NUFIP1: variants seen among roughly 807,000 people sequenced by gnomAD.
NUFIP1 encodes nuclear FMR1 interacting protein 1.
NUFIP1 carries 38 observed loss-of-function variants against 56.2 expected under a neutral mutation model. That is an observed-to-expected ratio of 0.68 (90% CI 0.52 to 0.89). The LOEUF (loss-of-function observed/expected upper bound fraction) is 0.89. NUFIP1 is among the 40% of genes least tolerant of loss of function. The probability of loss-of-function intolerance (pLI) is 0.00; values close to 1 mark genes in which losing one functional copy is unlikely to be tolerated. For synonymous variants in NUFIP1, 215 were observed against 212.4 expected (o/e 1.01, Z -0.10); for missense variants, 567 against 605.8 (o/e 0.94, Z 0.67).
intron 8 of NUFIP1, among the ~76,000 whole-genome samples, chr13:44,946,307 T>C (rs766741338): frequency 1.3e-5 from 2 of 152,158 alleles, no homozygotes; most frequent in Non-Finnish European, 2.9e-5. Flanking sequence ...ATTTTAAATA[T>C]AGCTCATTCA....
chr13:44,957,882 T>C (rs1287678509), intron 7 of NUFIP1, among the ~76,000 whole-genome samples: 1 of 152,176 alleles, frequency 6.6e-6, no homozygotes, highest in East Asian at 1.9e-4. Context: ...ATAATGGTAG[T>C]CTTCACATTT....
chr13:44,987,181 A>G (rs934894440), intron 1 of NUFIP1, among the ~76,000 whole-genome samples: 1 of 152,054 alleles, frequency 6.6e-6, no homozygotes, highest in Non-Finnish European at 1.5e-5. Context: ...AGTTCGAGAT[A>G]AGCCTGGCCA....
intron 5 of NUFIP1, among the ~76,000 whole-genome samples, chr13:44,970,629 AT>A (rs1293573328): frequency 2.0e-5 from 3 of 152,182 alleles, no homozygotes; most frequent in African/African-American, 7.2e-5. Flanking sequence ...AAAATTGAGA[AT>A]GACAGGAATG....
At chr13:44,979,287 G>A (rs773546264) in intron 4 of NUFIP1, 21 bp from the exon 5 acceptor site, 3 of 1,598,358 alleles carry the variant, frequency 1.9e-6, no homozygotes, top group Non-Finnish European at 2.6e-6. Context: ...AAAGCCTGCT[G>A]AACATCAGGA....
At chr13:44,979,695 A>T (rs1387620450) in intron 4 of NUFIP1, among the ~76,000 whole-genome samples, 195 bp downstream of exon 4, 1 of 152,222 alleles carries the variant, frequency 6.6e-6, no homozygotes, top group African/African-American at 2.4e-5. Context: ...TTCATTTTTT[A>T]AAATATTTTA....
Position 44,943,518 on chromosome 13 carries a change from G to C in NUFIP1, c.1295C>G (p.Pro432Arg). Reference sequence around the variant, plus strand: ...GTTGTGATAATCTTTTTTCCTCTTAGGGTTTGTTTTTTCAAAGCTTTTCTT... The same window carrying C: ...GTTGTGATAATCTTTTTTCCTCTTACGGTTTGTTTTTTCAAAGCTTTTCTT... The part of the protein sequence containing the change: ...NRKKSFEKTN[P>R]KRKKDYHNYQ... Residue 432 changes from proline to arginine, a missense_variant, in exon 9 of 10, where the codon CCT (proline) becomes CGT (arginine). Physicochemically the swap from Pro to Arg is moderately radical, Grantham distance 103. Coordinates refer to ENST00000379161, the MANE Select transcript of NUFIP1 (RefSeq NM_012345.3). 1 of 1,614,074 alleles carries C rather than the reference G, an allele frequency of 6.2e-7. No individual in the cohort carries two copies. Among genetic ancestry groups the C allele is most frequent in the Non-Finnish European group, 8.5e-7 (1 of 1,180,014 alleles).
intron 5 of NUFIP1, among the ~76,000 whole-genome samples, chr13:44,977,084 A>G (rs544183206): frequency 7.9e-5 from 12 of 151,674 alleles, no homozygotes; most frequent in African/African-American, 2.7e-4. Flanking sequence ...CACTCCTTCA[A>G]CTTCTAAGTT....
Position 44,959,480 on chromosome 13 carries a change from C to G in NUFIP1, c.922G>C (p.Ala308Pro), listed in dbSNP as rs369135124. 1.1e-5 allele frequency: 17 copies of G among 1,614,180 alleles called. No homozygotes were observed. In the South Asian group the frequency reaches 1.8e-4, roughly 17 times the overall value. Reference sequence around the variant, plus strand: ...AAGTGACTGCCTGATCCAGTGACTGCTCTCTGTCTAGAATTGTCGTTTTTC... The same window carrying G: ...AAGTGACTGCCTGATCCAGTGACTGGTCTCTGTCTAGAATTGTCGTTTTTC... The part of the protein sequence containing the change: ...KWKNDNSRQR[A>P]VTGSGSHLCD... Residue 308 changes from alanine to proline, a missense_variant, in exon 7 of 10, where the codon GCA becomes CCA. Transcript: ENST00000379161.
intron 5 of NUFIP1, among the ~76,000 whole-genome samples, chr13:44,968,787 C>T (rs979774475): frequency 4.6e-5 from 7 of 152,186 alleles, no homozygotes; most frequent in Non-Finnish European, 8.8e-5. Context: ...TTTGGCACTA[C>T]AGTGTACTAC....
intron 7 of NUFIP1, among the ~76,000 whole-genome samples, chr13:44,956,440 T>C (rs983760091): frequency 6.6e-5 from 10 of 152,196 alleles, no homozygotes; most frequent in Admixed American, 6.5e-4. Context: ...GGTTTCAGGA[T>C]GATTCAGCAC....
intron 9 of NUFIP1, among the ~76,000 whole-genome samples, chr13:44,941,674 C>T (rs1410636633): frequency 9.2e-5 from 14 of 151,778 alleles, no homozygotes; most frequent in African/African-American, 1.2e-4. Context: ...CCACCATGCC[C>T]GGCTAATTTT....
At chr13:44,960,919 A>G (rs534129792) in intron 6 of NUFIP1, among the ~76,000 whole-genome samples, 1 of 152,130 alleles carries the variant, frequency 6.6e-6, no homozygotes, top group South Asian at 2.1e-4. Flanking sequence ...TGGGCACGGT[A>G]GCAGGTGCCT....
rs1234239697 is a variant in NUFIP1 at position 44,969,797 on chromosome 13, T to C, written c.735-3861A>G. ...ATTCTGGTCACATTATTCTCTCCAA[T>C]TTTTTCCTTATGCTCAAATCACGAC... On this transcript the variant is annotated intron_variant, in intron 5 of 9. Coordinates refer to ENST00000379161, the MANE Select transcript of NUFIP1 (RefSeq NM_012345.3). Among the ~76,000 whole-genome samples the C allele has an allele frequency of 7.2e-5, 11 of 152,330 alleles. No homozygotes were observed. The South Asian group carries it at 2.1e-3, about 29-fold the overall frequency.
rs1190666573 is a variant in NUFIP1, at chr13:44,989,330, C to T, written c.107G>A (p.Ser36Asn). Residue 36 changes from serine to asparagine, a missense_variant, in exon 1 of 10, where the codon AGC (serine) becomes AAC (asparagine). Ser to Asn is a conservative substitution (Grantham distance 46, BLOSUM62 1). Transcript: ENST00000379161. ...CGGCAGCATTGCCCAGAACATCCAG[C>T]TGTCCCGCGGCGGGGCAGTGTCGCT... The part of the protein sequence containing the change: ...PLSDTAPPRD[S>N]WMFWAMLPPP... The T allele has an allele frequency of 1.2e-6, 2 of 1,613,222 alleles. No individual in the cohort carries two copies. The highest frequency in any genetic ancestry group is 1.6e-4 in the Middle Eastern group (1 of 6,084).
intron 7 of NUFIP1, among the ~76,000 whole-genome samples, chr13:44,955,962 T>G (rs1871221525): frequency 6.6e-6 from 1 of 150,992 alleles, no homozygotes; most frequent in Non-Finnish European, 1.5e-5. Flanking sequence ...GCTAACACGG[T>G]GAAACCCCGT....
At chr13:44,968,112 G>A (rs1871673988) in intron 5 of NUFIP1, among the ~76,000 whole-genome samples, 1 of 152,142 alleles carries the variant, frequency 6.6e-6, no homozygotes, top group South Asian at 2.1e-4. Flanking sequence ...AATGAGGACA[G>A]TGTGAAGCAA....
chr13:44,987,299 A>G (rs1001891016), intron 1 of NUFIP1, among the ~76,000 whole-genome samples: 8 of 151,992 alleles, frequency 5.3e-5, no homozygotes, highest in African/African-American at 1.7e-4. Flanking sequence ...AATCACCTCA[A>G]CCTGGGAGGT....
At chr13:44,980,853 T>C (rs772334607) in intron 2 of NUFIP1, 33 bp from the exon 3 acceptor site, 23 of 1,399,378 alleles carry the variant, frequency 1.6e-5, no homozygotes, top group Non-Finnish European at 8.9e-6. Context: ...ATTAGGCTTT[T>C]GGTGAAAAAT....
At chr13:44,948,025 T>C (rs1870952081) in intron 8 of NUFIP1, among the ~76,000 whole-genome samples, 1 of 152,204 alleles carries the variant, frequency 6.6e-6, no homozygotes, top group African/African-American at 2.4e-5. Context: ...GTAAACACCA[T>C]TTTTCATATT....
Sources: allele counts gnomAD v4.1 joint callset (sites outside exome capture counted in the v4.1 genomes callset), GRCh38; gene constraint gnomAD v4.1.1; transcripts MANE v1.5; gene names NCBI Gene and HGNC (gene_info 2026-07-23, HGNC 2026-07-21).